CHUK: variants seen among roughly 807,000 people sequenced by gnomAD.
The protein encoded by CHUK is component of inhibitor of nuclear factor kappa B kinase complex, also known as inhibitor of nuclear factor kappa-B kinase subunit alpha.
CHUK carries 35 observed loss-of-function variants against 104.8 expected under a neutral mutation model. The ratio of observed to expected loss-of-function variants is 0.33; its 90% confidence interval spans 0.26 to 0.44. CHUK has a LOEUF of 0.44. Ranked by LOEUF, CHUK falls within the 20% of genes least tolerant of loss-of-function variation. The pLI is 1.00. For missense variants in CHUK, 663 were observed against 902.7 expected (o/e 0.73, Z 3.40); for synonymous variants, 276 against 291.9 (o/e 0.95, Z 0.56).
chr10:100,220,486 G>T, intron 5 of CHUK, 102 bp downstream of exon 5: 1 of 831,422 alleles, frequency 1.2e-6, no homozygotes. Flanking sequence ...GAAAAAGTAA[G>T]ACTGTTATGG....
chr10:100,223,570 C>A (rs1436151805), intron 2 of CHUK, among the ~76,000 whole-genome samples: 1 of 151,316 alleles, frequency 6.6e-6, no homozygotes, highest in African/African-American at 2.4e-5. Flanking sequence ...CCCAGGAGTT[C>A]AAGTCAAGCC....
At chr10:100,222,610 C>T (rs1846016503) in intron 3 of CHUK, among the ~76,000 whole-genome samples, 1 of 152,148 alleles carries the variant, frequency 6.6e-6, no homozygotes, top group African/African-American at 2.4e-5. Context: ...CTGTAAGGAA[C>T]CATATGGTAA....
chr10:100,224,950 A>C (rs1298607856), intron 2 of CHUK, among the ~76,000 whole-genome samples: 1 of 151,992 alleles, frequency 6.6e-6, no homozygotes, highest in Non-Finnish European at 1.5e-5. Context: ...CCTGGGCTCA[A>C]GCAATCTTCC....
chr10:100,222,060 TA>T, intron 4 of CHUK, 51 bp downstream of exon 4: 2 of 939,528 alleles, frequency 2.1e-6, no homozygotes, highest in Non-Finnish European at 1.7e-6. Flanking sequence ...AAAGATCTTT[TA>T]TGGGCCAAAG....
At chr10:100,210,091 A>ATTTATTTTTTATTTTTATT (rs58570772) in intron 9 of CHUK, among the ~76,000 whole-genome samples, 1 of 121,802 alleles carries the variant, frequency 8.2e-6, no homozygotes, top group African/African-American at 3.0e-5. Context: ...TTATTTATTT[A>ATTTATTTTTTATTTTTATT]TTTTTTTTTT....
At chr10:100,192,148 A>G (rs902470524) in intron 19 of CHUK, among the ~76,000 whole-genome samples, 1 of 152,208 alleles carries the variant, frequency 6.6e-6, no homozygotes, top group African/African-American at 2.4e-5. Context: ...CCTTCTAGAA[A>G]ATACATTGAA....
At chr10:100,197,949 A>G (rs1157320980) in intron 16 of CHUK, among the ~76,000 whole-genome samples, 1 of 152,214 alleles carries the variant, frequency 6.6e-6, no homozygotes, top group Non-Finnish European at 1.5e-5. Flanking sequence ...AACCTTTCTG[A>G]TATCACCACT....
Position 100,211,162 on chromosome 10 carries a change from C to T in CHUK, c.934-1373G>A, listed in dbSNP as rs557639584. ...AAACTATAGACAACAGTACAATAAG[C>T]CCCCTCCCAACCCTGTGAATGCCTC... On this transcript the variant is annotated intron_variant, in intron 9 of 20. Coordinates refer to ENST00000370397, the MANE Select transcript of CHUK (RefSeq NM_001278.5). Among the ~76,000 whole-genome samples the T allele has an allele frequency of 1.2e-4, 18 of 152,210 alleles. No homozygotes were observed. In the South Asian group the frequency reaches 3.7e-3, roughly 32 times the overall value.
intron 19 of CHUK, 141 bp from the exon 20 acceptor site, chr10:100,191,109 T>TA (rs1845190346): frequency 1.4e-6 from 1 of 697,736 alleles, no homozygotes; most frequent in East Asian, 2.7e-5. Context: ...CTGTAGTCTT[T>TA]AGTTTCCTCA....
chr10:100,217,949 G>C, intron 9 of CHUK, 46 bp downstream of exon 9: 1 of 1,562,992 alleles, frequency 6.4e-7, no homozygotes, highest in Non-Finnish European at 8.8e-7. Context: ...AAATAAACTT[G>C]TTACTTTCAA....
At chr10:100,193,454 CA>C in intron 18 of CHUK, 23 bp from the exon 19 acceptor site, 3 of 1,613,720 alleles carry the variant, frequency 1.9e-6, no homozygotes, top group Non-Finnish European at 2.5e-6. Flanking sequence ...AAAAAAACAT[CA>C]AAAGATTACA....
At chr10:100,194,575 T>A (rs1163422826) in intron 16 of CHUK, 54 bp from the exon 17 acceptor site, 1 of 1,195,478 alleles carries the variant, frequency 8.4e-7, no homozygotes, top group Non-Finnish European at 1.2e-6. Flanking sequence ...CATATCAGCC[T>A]CCAAACAAAA....
intron 9 of CHUK, among the ~76,000 whole-genome samples, chr10:100,216,081 G>C (rs1333209830): frequency 6.6e-6 from 1 of 152,162 alleles, no homozygotes; most frequent in Non-Finnish European, 1.5e-5. Context: ...GTAAATAGTG[G>C]TGCTGCAAAC....
chr10:100,204,436 A>C, intron 13 of CHUK, 70 bp downstream of exon 13: 1 of 1,321,580 alleles, frequency 7.6e-7, no homozygotes, highest in Non-Finnish European at 1.1e-6. Context: ...TGGCTGAGTT[A>C]AGAAGGCAAA....
rs369718516 is a variant in CHUK, at chr10:100,225,914, T to C, written c.200+9A>G. ...AACCAGGGAAATGTAAGTCAAGGAA[T>C]ACACTTACTTCTTCATAATCTGGAT... On this transcript the variant is annotated intron_variant, in intron 2 of 20. Coordinates refer to ENST00000370397, the MANE Select transcript of CHUK (RefSeq NM_001278.5). The C allele has an allele frequency of 1.0e-5, 16 of 1,525,932 alleles. No homozygotes were observed. In the African/African-American group the frequency reaches 1.9e-4, roughly 18 times the overall value. 94.5% of individuals were successfully genotyped at this position (1,525,932 alleles called of 1,614,324 possible).
chr10:100,229,273 TTCTC>T (rs1846180214), intron 1 of CHUK, among the ~76,000 whole-genome samples, 151 bp downstream of exon 1: 1 of 151,976 alleles, frequency 6.6e-6, no homozygotes, highest in Non-Finnish European at 1.5e-5. Flanking sequence ...CATAGTATCT[TTCTC>T]TCTAATACAC....
At chr10:100,204,722 C>T (rs1845551471) in intron 12 of CHUK, 65 bp from the exon 13 acceptor site, 4 of 1,296,768 alleles carry the variant, frequency 3.1e-6, no homozygotes, top group Admixed American at 1.9e-5. Context: ...AAACATTGAA[C>T]AATAATGTAA....
chr10:100,200,643 A>C (rs1474028767), intron 15 of CHUK, 28 bp downstream of exon 15: 1 of 1,038,738 alleles, frequency 9.6e-7, no homozygotes, highest in African/African-American at 1.6e-5. Flanking sequence ...TACAGATGTC[A>C]AGACCAACAA....
rs1285369490 is a variant in CHUK at position 100,188,932 on chromosome 10, A to G, written c.*666T>C. 6.6e-6 allele frequency: 1 copy of G among 152,228 alleles called. No homozygotes were observed. Among genetic ancestry groups the G allele is most frequent in the East Asian group, 1.9e-4 (1 of 5,204 alleles). The allele number at this position is 152,228 out of a possible 1,614,324, so 9.4% of individuals were successfully genotyped here. On this transcript the variant is annotated 3_prime_UTR_variant, in exon 21 of 21. Transcript: ENST00000370397. ...ATTATTAAATGTACATCTTAAATACATATACACACAACAACATGATTTATG... is the reference window on the plus strand; with the variant it reads ...ATTATTAAATGTACATCTTAAATACGTATACACACAACAACATGATTTATG...
Sources: gnomAD v4.1 joint callset for allele counts (sites outside exome capture counted in the v4.1 genomes callset) on GRCh38, gnomAD v4.1.1 for gene constraint, MANE v1.5 for transcripts, NCBI Gene and HGNC (gene_info 2026-07-23, HGNC 2026-07-21) for gene names.